The following TPRG1 variants were observed in gnomAD, a reference collection of about 807,000 sequenced individuals.
TPRG1 encodes the protein tumor protein p63 regulated 1, also known as tumor protein p63-regulated gene 1 protein.
TPRG1 carries 29 observed loss-of-function variants against 29.3 expected under a neutral mutation model. That is an observed-to-expected ratio of 0.99 (90% confidence interval 0.74 to 1.35). TPRG1 has a LOEUF of 1.35. TPRG1 is among the 40% of genes most tolerant of loss of function. TPRG1 has a pLI of 0.00. For missense variants in TPRG1, 327 were observed against 335.0 expected, an observed-to-expected ratio of 0.98 and a Z score of 0.19; for synonymous variants, 130 against 116.8, an observed-to-expected ratio of 1.11 and a Z score of -0.73.
chr3:189,255,109 A>G (rs1283830826), intron 4 of TPRG1, among the ~76,000 whole-genome samples: 3 of 152,192 alleles, frequency 2.0e-5, no homozygotes, highest in Non-Finnish European at 4.4e-5. Context: ...CTGGGTTTCA[A>G]AGGGAATGCT....
rs1462261811 is a variant in TPRG1 at position 189,238,889 on chromosome 3, C to G, written c.459C>G (p.Phe153Leu). Residue 153 changes from phenylalanine to leucine, a missense_variant, in exon 4 of 6, where the codon TTC (phenylalanine) becomes TTG (leucine). Coordinates refer to ENST00000345063, the MANE Select transcript of TPRG1 (RefSeq NM_198485.4). ...GCATCTGCCTGGGCAAGTTCACCTTCCCTGGGATGTCCCTGGACAAGTGAG... is the reference window on the plus strand; with the variant it reads ...GCATCTGCCTGGGCAAGTTCACCTTGCCTGGGATGTCCCTGGACAAGTGAG... ...VYRICLGKFT[F>L]PGMSLDKRQG... The G allele has an allele frequency of 1.2e-6, 2 of 1,612,672 alleles. No homozygotes were observed. Among genetic ancestry groups the G allele is most frequent in the Non-Finnish European group, 1.7e-6 (2 of 1,179,112 alleles).
intron 5 of TPRG1, among the ~76,000 whole-genome samples, chr3:189,164,710 C>A (rs1017308439): frequency 1.3e-5 from 2 of 151,846 alleles, no homozygotes; most frequent in African/African-American, 2.4e-5. Context: ...TAATCATCAT[C>A]ATCAAGACAG....
At chr3:189,312,792 C>A (rs1175549470) in intron 5 of TPRG1, among the ~76,000 whole-genome samples, 2 of 152,108 alleles carry the variant, frequency 1.3e-5, no homozygotes, top group Non-Finnish European at 2.9e-5. Context: ...CAAATACCCA[C>A]AAATGGAATT....
At chr3:189,251,040 C>T (rs1742165623) in intron 4 of TPRG1, among the ~76,000 whole-genome samples, 2 of 152,056 alleles carry the variant, frequency 1.3e-5, no homozygotes, top group Non-Finnish European at 2.9e-5. Context: ...TCCTCCCTCT[C>T]CTTTACTTGC....
At chr3:189,223,271 G>C (rs1305104041) in intron 3 of TPRG1, among the ~76,000 whole-genome samples, 4 of 152,148 alleles carry the variant, frequency 2.6e-5, no homozygotes, top group African/African-American at 9.7e-5. Context: ...GTGTCCATGG[G>C]CCTCCAAGCA....
At chr3:189,068,514 C>T (rs1278125762) in intron 4 of TPRG1, among the ~76,000 whole-genome samples, 4 of 152,304 alleles carry the variant, frequency 2.6e-5, no homozygotes, top group Admixed American at 1.3e-4. Context: ...CAGTGGCTCA[C>T]GCCTGTAATC....
At chr3:189,071,077 A>AG in intron 4 of TPRG1, among the ~76,000 whole-genome samples, 1 of 152,082 alleles carries the variant, frequency 6.6e-6, no homozygotes, top group African/African-American at 2.4e-5. Flanking sequence ...GAAAAAAAAA[A>AG]AAAAAAAAGG....
chr3:189,300,366 G>A (rs1172582084), intron 4 of TPRG1, among the ~76,000 whole-genome samples: 1 of 152,110 alleles, frequency 6.6e-6, no homozygotes, highest in African/African-American at 2.4e-5. Context: ...TTTAGGCCTC[G>A]CTCTTAAGAC....
chr3:189,249,997 A>T (rs892999101), intron 4 of TPRG1, among the ~76,000 whole-genome samples: 1 of 152,172 alleles, frequency 6.6e-6, no homozygotes, highest in Non-Finnish European at 1.5e-5. Context: ...TATCATTCCC[A>T]TAAAATCCCA....
chr3:189,320,300 T>A (rs1367620728), intron 5 of TPRG1, among the ~76,000 whole-genome samples: 1 of 152,104 alleles, frequency 6.6e-6, no homozygotes, highest in Non-Finnish European at 1.5e-5. Flanking sequence ...AAATTATTTG[T>A]ATACTAACAA....
At chr3:189,017,460 A>G (rs1365163317) in intron 3 of TPRG1, among the ~76,000 whole-genome samples, 2 of 151,944 alleles carry the variant, frequency 1.3e-5, no homozygotes, top group Admixed American at 6.6e-5. Context: ...ATTCCCACCT[A>G]TGAGTGAGAA....
intron 4 of TPRG1, among the ~76,000 whole-genome samples, chr3:189,035,740 G>C (rs1714225580): frequency 6.8e-6 from 1 of 147,944 alleles, no homozygotes; most frequent in Admixed American, 7.0e-5. Flanking sequence ...ATACTAGTCA[G>C]AATGGCCATT....
At chr3:189,089,121 T>A (rs1718169822) in intron 4 of TPRG1, among the ~76,000 whole-genome samples, 1 of 152,186 alleles carries the variant, frequency 6.6e-6, no homozygotes, top group Non-Finnish European at 1.5e-5. Flanking sequence ...ATTACAGGAC[T>A]AACAGTCTAT....
chr3:189,312,176 TCTTTC>T (rs1722746743), intron 5 of TPRG1, among the ~76,000 whole-genome samples: 1 of 73,498 alleles, frequency 1.4e-5, no homozygotes, highest in East Asian at 4.4e-4. Context: ...TTTCTTTCTT[TCTTTC>T]TTTTTTTCTT....
chr3:189,000,589 T>G (rs1398909476), intron 1 of TPRG1, among the ~76,000 whole-genome samples: 1 of 152,102 alleles, frequency 6.6e-6, no homozygotes, highest in African/African-American at 2.4e-5. Flanking sequence ...TCATTTTTAA[T>G]GTACAAAATT....
At chr3:189,083,181 G>T (rs1717717269) in intron 4 of TPRG1, among the ~76,000 whole-genome samples, 1 of 152,178 alleles carries the variant, frequency 6.6e-6, no homozygotes, top group Non-Finnish European at 1.5e-5. Flanking sequence ...GTGACCAAGG[G>T]TGACACTGAG....
At chr3:189,262,248 ATAAG>A (rs1368827403) in intron 4 of TPRG1, among the ~76,000 whole-genome samples, 17 of 149,096 alleles carry the variant, frequency 1.1e-4, no homozygotes, top group Non-Finnish European at 2.2e-4. Context: ...AAGTATAAGT[ATAAG>A]TATAAGACTT....
At chr3:189,167,838 T>TA (rs1165913937), upstream of TPRG1, among the ~76,000 whole-genome samples, 1 of 152,128 alleles carries the variant, frequency 6.6e-6, no homozygotes, top group East Asian at 1.9e-4. Context: ...GTATTGCACT[T>TA]ACTTCGAGAT....
rs187221475 is a variant in TPRG1, at chr3:189,136,348, G to A, written c.-291+3651G>A. On this transcript the variant is annotated intron_variant, in intron 3 of 6. Coordinates refer to the TPRG1 transcript ENST00000412373. ...GGGGACTTCTGGGGGTGGAGAAGCC[G>A]TTCAAGATGCTTATGGAAGGAGACT... Among the ~76,000 whole-genome samples, 11 of 152,186 alleles carry A rather than the reference G, an allele frequency of 7.2e-5. No homozygotes were observed. In the South Asian group the frequency reaches 8.3e-4, roughly 11 times the overall value.
Sources: gnomAD v4.1 joint callset for allele counts (sites outside exome capture counted in the v4.1 genomes callset) on GRCh38, gnomAD v4.1.1 for gene constraint, MANE v1.5 for transcripts, NCBI Gene and HGNC (gene_info 2026-07-23, HGNC 2026-07-21) for gene names.